DROSHA: variants seen among roughly 807,000 people sequenced by gnomAD.
DROSHA encodes ribonuclease 3.
Under a neutral mutation model 181.9 loss-of-function variants are expected in DROSHA, and 56 were observed. That is an observed-to-expected ratio of 0.31 (90% CI 0.25 to 0.38). The LOEUF is 0.38. Ranked by LOEUF, DROSHA falls within the 10% of genes least tolerant of loss-of-function variation. DROSHA has a pLI of 1.00. For synonymous variants in DROSHA, 524 were observed against 591.2 expected, an observed-to-expected ratio of 0.89 and a Z score of 1.65; for missense variants, 1,218 against 1,743.5, an observed-to-expected ratio of 0.70 and a Z score of 5.37.
Position 31,532,077 on chromosome 5 carries a change from C to T in DROSHA, c.-337G>A, listed in dbSNP as rs1047615868. On this transcript the variant is annotated 5_prime_UTR_variant, in exon 1 of 36. Transcript: ENST00000344624. ...ACCAAGACAGTGGCACCGCCCGCGC[C>T]TCCGGAACAGGAAACCGAGGGAATT... 13 of 405,212 alleles carry T rather than the reference C, an allele frequency of 3.2e-5. No individual in the cohort carries two copies. Among genetic ancestry groups the T allele is most frequent in the Middle Eastern group, 7.5e-4 (1 of 1,342 alleles). 25.1% of individuals were successfully genotyped at this position (405,212 alleles called of 1,614,324 possible). A position where few individuals can be genotyped will look rare whatever the true frequency, so the allele number is the denominator to read the frequency against.
intron 20 of DROSHA, among the ~76,000 whole-genome samples, chr5:31,463,739 T>C (rs2150024217): frequency 6.6e-6 from 1 of 152,314 alleles, no homozygotes; most frequent in East Asian, 1.9e-4. Context: ...CCAGGGAAAA[T>C]ATATTATCAT....
chr5:31,471,851 G>A (rs1328439861), intron 17 of DROSHA, among the ~76,000 whole-genome samples: 1 of 152,124 alleles, frequency 6.6e-6, no homozygotes, highest in Non-Finnish European at 1.5e-5. Context: ...TCTTCAGGTA[G>A]AATAAATTTA....
intron 35 of DROSHA, 44 bp downstream of exon 35, chr5:31,405,633 T>C (rs777902212): frequency 1.3e-6 from 2 of 1,491,296 alleles, no homozygotes; most frequent in African/African-American, 1.4e-5. Context: ...CATAAAACAC[T>C]CATTACATTA....
At chr5:31,466,066 T>C in intron 19 of DROSHA, 116 bp downstream of exon 19, 1 of 1,095,786 alleles carries the variant, frequency 9.1e-7, no homozygotes, top group Non-Finnish European at 1.3e-6. Flanking sequence ...AAAGTATGAT[T>C]TTTTTAAAAA....
chr5:31,491,217 TTCAAACCCAGC>T (rs1306496277), intron 13 of DROSHA, among the ~76,000 whole-genome samples: 1 of 150,470 alleles, frequency 6.6e-6, no homozygotes, highest in East Asian at 1.9e-4. Context: ...CAAAGAAAGA[TTCAAACCCAGC>T]TCTGTCTGAA....
At chr5:31,442,480 A>G (rs1182410978) in intron 23 of DROSHA, among the ~76,000 whole-genome samples, 5 of 152,202 alleles carry the variant, frequency 3.3e-5, no homozygotes. Context: ...TTTACTGAGC[A>G]GTAAACACTC....
At chr5:31,404,740 C>T (rs1179000424) in intron 35 of DROSHA, among the ~76,000 whole-genome samples, 2 of 152,092 alleles carry the variant, frequency 1.3e-5, no homozygotes, top group East Asian at 3.8e-4. Context: ...CCACGCATCC[C>T]ACTCCTGGGA....
intron 27 of DROSHA, among the ~76,000 whole-genome samples, chr5:31,424,887 T>C (rs543582084): frequency 3.3e-4 from 50 of 152,332 alleles, no homozygotes; most frequent in Admixed American, 5.9e-4. Context: ...TTCATTATCA[T>C]ATGAGCTATT....
In DROSHA at chr5:31,484,951, C is replaced by A; in HGVS notation, c.1926G>T (p.Val642=). 1 of 1,540,696 alleles carries A rather than the reference C, an allele frequency of 6.5e-7. No homozygotes were observed. The highest frequency in any genetic ancestry group is 8.7e-7 in the Non-Finnish European group (1 of 1,144,456). ...IEEMMPENFC[V]KGLELFSLFL... ...ACAGTGAAAAGAGTTCAAGCCCTTT[C>A]ACACAAAAATTCTGAAAAATAAACC... Residue 642 remains valine, a synonymous_variant, in exon 15 of 36, where the codon GTG becomes GTT. Transcript: ENST00000344624.
intron 20 of DROSHA, among the ~76,000 whole-genome samples, chr5:31,457,628 G>A (rs1747831396): frequency 1.3e-5 from 2 of 152,074 alleles, no homozygotes; most frequent in South Asian, 4.2e-4. Flanking sequence ...AGTGGCTCAT[G>A]TCTGTAATCC....
chr5:31,453,956 C>T (rs1747337500), intron 20 of DROSHA, among the ~76,000 whole-genome samples: 2 of 151,280 alleles, frequency 1.3e-5, no homozygotes, highest in South Asian at 4.2e-4. Context: ...CTCAAATTCT[C>T]CCATAAAAAT....
At chr5:31,416,680 A>T (rs1258344159) in intron 30 of DROSHA, among the ~76,000 whole-genome samples, 2 of 152,194 alleles carry the variant, frequency 1.3e-5, no homozygotes, top group Non-Finnish European at 2.9e-5. Flanking sequence ...GGAAGAGCAT[A>T]CACAAAGGCC....
rs781671286 is a variant in DROSHA, at chr5:31,514,333, AC to A, written c.1290+654del. Among the ~76,000 whole-genome samples the A allele has an allele frequency of 7.4e-4, 112 of 152,010 alleles. No individual in the cohort carries two copies. Among genetic ancestry groups the A allele is most frequent in the South Asian group, 4.4e-3 (21 of 4,810 alleles). ...TTATGAAACCACCAGTACTGAGACTACCAGTATCATTAAAAATGTAGAATAG... is the reference window on the plus strand; with the variant it reads ...TTATGAAACCACCAGTACTGAGACTACAGTATCATTAAAAATGTAGAATAG... On this transcript the variant is annotated intron_variant, in intron 8 of 35. Transcript: ENST00000344624. This position sits in a 1 kb window ranked among gnomAD's most constrained non-coding sequence, Gnocchi z 4.4.
At chr5:31,527,161 C>A (rs1411510861) in intron 4 of DROSHA, among the ~76,000 whole-genome samples, 1 of 152,110 alleles carries the variant, frequency 6.6e-6, no homozygotes, top group Non-Finnish European at 1.5e-5. Context: ...ACCGACCATT[C>A]CTTAAAGCTG....
chr5:31,424,497 T>A lies in DROSHA; in HGVS notation c.3217-26A>T, dbSNP rs370032474. 1.9e-6 allele frequency: 3 copies of A among 1,579,860 alleles called. No homozygotes were observed. Among genetic ancestry groups the A allele is most frequent in the African/African-American group, 2.7e-5 (2 of 74,264 alleles). ...CTGGAAAATGGAGTGATGCCTTTAA[T>A]GCTCAAGGGAGCCATTTAACGCACT... is the stretch of plus-strand genomic sequence containing the variant. On this transcript the variant is annotated intron_variant, in intron 27 of 35. Transcript: ENST00000344624.
chr5:31,457,626 A>C (rs1036523821), intron 20 of DROSHA, among the ~76,000 whole-genome samples: 3 of 151,800 alleles, frequency 2.0e-5, no homozygotes, highest in Non-Finnish European at 4.4e-5. Flanking sequence ...ACAGTGGCTC[A>C]TGTCTGTAAT....
chr5:31,441,775 T>G (rs902047308), intron 23 of DROSHA, among the ~76,000 whole-genome samples: 3 of 152,212 alleles, frequency 2.0e-5, no homozygotes, highest in Admixed American at 1.3e-4. Flanking sequence ...ATAGTGAGTT[T>G]TAAGAAATAA....
At chr5:31,465,828 T>C (rs1286912652) in intron 19 of DROSHA, among the ~76,000 whole-genome samples, 2 of 152,094 alleles carry the variant, frequency 1.3e-5, no homozygotes, top group African/African-American at 2.4e-5. Flanking sequence ...TCTACCATGA[T>C]TAAAAGCATC....
At chr5:31,487,492 T>C (rs1055884177) in intron 13 of DROSHA, among the ~76,000 whole-genome samples, 4 of 152,246 alleles carry the variant, frequency 2.6e-5, no homozygotes, top group South Asian at 2.1e-4. Context: ...GGGAGATTAC[T>C]GCAGAGAATT....
Sources: gnomAD v4.1 joint callset for allele counts (sites outside exome capture counted in the v4.1 genomes callset) on GRCh38, gnomAD v4.1.1 for gene constraint, Gnocchi (gnomAD v3.1) non-coding constraint, MANE v1.5 for transcripts, NCBI Gene and HGNC (gene_info 2026-07-23, HGNC 2026-07-21) for gene names.